Variants in CSMD2 observed in about 807,000 individuals in gnomAD.
The protein encoded by CSMD2 is CUB and sushi domain-containing protein 2.
A neutral mutation model predicts 398.5 loss-of-function variants in CSMD2; 130 were observed. The ratio of observed to expected loss-of-function variants is 0.33; its 90% CI spans 0.28 to 0.38. The LOEUF is 0.38. Among genes scored for constraint, CSMD2 ranks in the 10% least tolerant of loss-of-function variants. The probability of loss-of-function intolerance (pLI) is 1.00; values close to 1 mark genes in which losing one functional copy is unlikely to be tolerated. For synonymous variants in CSMD2, 1,828 were observed against 1,908.5 expected, an observed-to-expected ratio of 0.96 and a Z score of 1.10; for missense variants, 3,829 against 4,764.9, an observed-to-expected ratio of 0.80 and a Z score of 5.78.
At chr1:33,646,609 G>A in intron 29 of CSMD2, 39 bp downstream of exon 29, 1 of 1,604,712 alleles carries the variant, frequency 6.2e-7, no homozygotes, top group Non-Finnish European at 8.5e-7. Context: ...CTTGTTAGCT[G>A]GACCTGTCCT....
At position 33,722,668 on chromosome 1, in the gene CSMD2, C is replaced by T. The variant is rs115239533; in HGVS notation, c.3001+1529G>A. Among the ~76,000 whole-genome samples the T allele has an allele frequency of 2.8e-3, 408 of 147,646 alleles. 4 individuals carry two copies. The highest frequency in any genetic ancestry group is 1.0e-2 in the African/African-American group (394 of 39,520). ...GTGTGTCTGGTTGCTAATCCTTAGT[C>T]GATCACATGTTGCGATTTTTTTTTT... On this transcript the variant is annotated intron_variant, in intron 19 of 70. Transcript: ENST00000373381.
chr1:34,059,260 C>G (rs533428121), intron 2 of CSMD2, among the ~76,000 whole-genome samples: 1 of 152,272 alleles, frequency 6.6e-6, no homozygotes, highest in East Asian at 1.9e-4. Context: ...AAAAGCTACA[C>G]CCCAAGGGCT....
intron 2 of CSMD2, among the ~76,000 whole-genome samples, chr1:34,057,306 C>T (rs145997602): frequency 4.6e-5 from 7 of 152,306 alleles, no homozygotes; most frequent in East Asian, 3.9e-4. Flanking sequence ...AGGTGCCCAC[C>T]CAGGATGCCA....
chr1:33,700,540 T>G lies in CSMD2; in HGVS notation c.3710A>C (p.Lys1237Thr). The G allele has an allele frequency of 6.2e-7, 1 of 1,614,228 alleles. No individual in the cohort carries two copies. The highest frequency in any genetic ancestry group is 8.5e-7 in the Non-Finnish European group (1 of 1,180,044). ...ACTGGAAAAGTGCAGTTCAAAGCCC[T>G]TGCTGGTGTTTTCAGCATCAGTGAT... ...DFITDAENTS[K>T]GFELHFSSFE... is the part of the protein sequence containing the mutation. The change falls in exon 23 of 71, where the codon AAG becomes ACG. Residue 1237 changes from lysine (K) to threonine (T), a missense_variant. Lys to Thr is a moderately conservative substitution (Grantham distance 78, BLOSUM62 -1). This residue lies in a region of CSMD2 where 2,001 missense variants were observed against 2,567.1 expected (regional missense o/e 0.78). Coordinates refer to ENST00000373381, the MANE Select transcript of CSMD2 (RefSeq NM_001281956.2).
intron 3 of CSMD2, among the ~76,000 whole-genome samples, chr1:33,995,179 T>C (rs1428468250): frequency 1.3e-5 from 2 of 152,228 alleles, no homozygotes; most frequent in Non-Finnish European, 2.9e-5. Context: ...GAAGAAAGGT[T>C]CTCCAAGAGT....
intron 4 of CSMD2, among the ~76,000 whole-genome samples, chr1:33,921,987 G>C (rs1259600487): frequency 6.6e-6 from 1 of 152,160 alleles, no homozygotes; most frequent in Non-Finnish European, 1.5e-5. Context: ...TTAGGAGGCA[G>C]ACTGTGGAGG....
intron 4 of CSMD2, among the ~76,000 whole-genome samples, chr1:33,922,154 TG>T (rs991139955): frequency 1.3e-5 from 2 of 152,112 alleles, no homozygotes; most frequent in African/African-American, 4.8e-5. Context: ...AATAAACAGA[TG>T]GGGATACCTA....
chr1:33,646,559 C>T, intron 29 of CSMD2, 89 bp downstream of exon 29: 2 of 1,417,566 alleles, frequency 1.4e-6, no homozygotes, highest in Non-Finnish European at 2.0e-6. Context: ...GTGGTCCAGC[C>T]CAGGGCTCTC....
intron 44 of CSMD2, among the ~76,000 whole-genome samples, chr1:33,593,884 T>G (rs1290455095): frequency 6.6e-6 from 1 of 152,202 alleles, no homozygotes; most frequent in East Asian, 1.9e-4. Flanking sequence ...TTAGAAGTAC[T>G]ATACTTTATT....
At chr1:33,734,464 C>T (rs1446361390) in intron 15 of CSMD2, among the ~76,000 whole-genome samples, 2 of 152,132 alleles carry the variant, frequency 1.3e-5, no homozygotes, top group African/African-American at 4.8e-5. Flanking sequence ...TCAAGCAACC[C>T]TCCGAGTATT....
chr1:33,617,302 G>A (rs1641457181), intron 38 of CSMD2, among the ~76,000 whole-genome samples, 197 bp downstream of exon 38: 1 of 152,208 alleles, frequency 6.6e-6, no homozygotes, highest in South Asian at 2.1e-4. Context: ...GAACACATTG[G>A]AGGTTGGCTT....
intron 12 of CSMD2, among the ~76,000 whole-genome samples, chr1:33,778,963 C>T (rs1454696602): frequency 6.6e-6 from 1 of 152,166 alleles, no homozygotes; most frequent in Non-Finnish European, 1.5e-5. Context: ...CTGCTATCCA[C>T]CCCGTCTCTC....
rs115193338 is a variant in CSMD2 at position 33,587,459 on chromosome 1, C to T, written c.6857-291G>A. Among the ~76,000 whole-genome samples the T allele has an allele frequency of 1.9e-3, 295 of 152,262 alleles. 3 individuals carry two copies. Among genetic ancestry groups the T allele is most frequent in the African/African-American group, 6.8e-3 (284 of 41,554 alleles). ...TTCTGAGTGCCTCGTGGATATTAGG[C>T]GTTTTATAGGCTGCCACTCTAACCC... On this transcript the variant is annotated intron_variant, in intron 44 of 70. Coordinates refer to ENST00000373381, the MANE Select transcript of CSMD2 (RefSeq NM_001281956.2).
intron 4 of CSMD2, among the ~76,000 whole-genome samples, chr1:33,921,350 C>T (rs895225290): frequency 2.5e-4 from 38 of 151,978 alleles, no homozygotes; most frequent in African/African-American, 8.7e-4. Flanking sequence ...CAGAGTTTGT[C>T]GCCTTCTGAT....
chr1:33,810,079 CTT>C (rs748607614), intron 10 of CSMD2, among the ~76,000 whole-genome samples: 3 of 152,018 alleles, frequency 2.0e-5, no homozygotes, highest in Non-Finnish European at 2.9e-5. Context: ...GATATCAGTT[CTT>C]CTCCAATTAA....
intron 12 of CSMD2, among the ~76,000 whole-genome samples, chr1:33,778,564 T>C (rs897832978): frequency 6.6e-6 from 1 of 151,900 alleles, no homozygotes; most frequent in Non-Finnish European, 1.5e-5. Context: ...TTTTGATCAC[T>C]GTGTACCCGG....
intron 9 of CSMD2, among the ~76,000 whole-genome samples, chr1:33,819,465 T>C (rs537057964): frequency 4.6e-5 from 7 of 152,304 alleles, no homozygotes; most frequent in African/African-American, 1.7e-4. Context: ...CATTAGACTG[T>C]AAGGTCCATG....
intron 5 of CSMD2, among the ~76,000 whole-genome samples, chr1:33,907,717 T>G (rs1354482110): frequency 6.6e-6 from 1 of 152,164 alleles, no homozygotes; most frequent in Non-Finnish European, 1.5e-5. Flanking sequence ...ATATGTGAAA[T>G]GGTGATTTTG....
At position 33,726,505 on chromosome 1, in the gene CSMD2, T is replaced by C. The variant is rs772375671; in HGVS notation, c.2507+42A>G. The C allele has an allele frequency of 3.8e-6, 6 of 1,569,484 alleles. No individual in the cohort carries two copies. The East Asian group carries it at 1.4e-4, about 36-fold the overall frequency. Reference sequence around the variant, plus strand: ...TCCCTCCCACGTGGCTCTGTAAAAATCTCCCCCTTGCCCTCTCCCCCAAGG... The same window carrying C: ...TCCCTCCCACGTGGCTCTGTAAAAACCTCCCCCTTGCCCTCTCCCCCAAGG... On this transcript the variant is annotated intron_variant, in intron 16 of 70. Coordinates refer to ENST00000373381, the MANE Select transcript of CSMD2 (RefSeq NM_001281956.2).
Sources: gnomAD v4.1 joint callset for allele counts (sites outside exome capture counted in the v4.1 genomes callset) on GRCh38, gnomAD v4.1.1 for gene constraint, gnomAD v4.1.1 regional missense constraint, MANE v1.5 for transcripts, NCBI Gene and HGNC (gene_info 2026-07-23, HGNC 2026-07-21) for gene names.